Variants in CACNB4 observed in about 807,000 individuals in gnomAD.
CACNB4 encodes the protein calcium voltage-gated channel auxiliary subunit beta 4.
Under a neutral mutation model 71.2 loss-of-function variants are expected in CACNB4, and 32 were observed. That is an observed-to-expected ratio of 0.45 (90% CI 0.34 to 0.60). CACNB4 has a LOEUF of 0.60. Ranked by LOEUF, CACNB4 falls within the 20% of genes least tolerant of loss-of-function variation. CACNB4 has a pLI of 0.01. For missense variants in CACNB4, 464 were observed against 647.9 expected (o/e 0.72, Z 3.08); for synonymous variants, 231 against 236.9 (o/e 0.97, Z 0.23).
In CACNB4 at chr2:152,098,258, G is replaced by T. The variant is rs1688389525; in HGVS notation, c.147+72C>A. The T allele has an allele frequency of 9.6e-6, 12 of 1,248,480 alleles. No individual in the cohort carries two copies. The highest frequency in any genetic ancestry group is 1.7e-5 in the Admixed American group (1 of 58,700). The allele number at this position is 1,248,480 out of a possible 1,614,324, so 77.3% of individuals were successfully genotyped here. On this transcript the variant is annotated intron_variant, in intron 2 of 13. Coordinates refer to ENST00000539935, the MANE Select transcript of CACNB4 (RefSeq NM_000726.5). The surrounding 1 kb of genome is among the most constrained non-coding windows in gnomAD (Gnocchi z 5.3). ...CGCAGCTCCCGCACGTGTGGGCCAC[G>T]GCCGGCTCCAGGACCCCCGCGCCGC...
At position 152,046,202 on chromosome 2, in the gene CACNB4, G is replaced by A. The variant is rs137864679; in HGVS notation, c.147+52128C>T. On this transcript the variant is annotated intron_variant, in intron 2 of 13. Coordinates refer to ENST00000539935, the MANE Select transcript of CACNB4 (RefSeq NM_000726.5). ...AGTATATTTTTATATCATATGGATT[G>A]TCCATTCAGGGGAGGCTAGAATGGC... Among the ~76,000 whole-genome samples, 499 of 152,192 alleles carry A rather than the reference G, an allele frequency of 3.3e-3. 1 individual carries two copies. The highest frequency in any genetic ancestry group is 0.017 in the Middle Eastern group (5 of 294).
chr2:152,052,370 G>A (rs1685485213), intron 2 of CACNB4, among the ~76,000 whole-genome samples: 2 of 151,952 alleles, frequency 1.3e-5, no homozygotes, highest in Non-Finnish European at 2.9e-5. Context: ...GCGTGATCTC[G>A]GCTCACTGTA....
At chr2:152,006,120 T>C (rs1477818174) in intron 2 of CACNB4, among the ~76,000 whole-genome samples, 1 of 152,236 alleles carries the variant, frequency 6.6e-6, no homozygotes, top group Non-Finnish European at 1.5e-5. Context: ...GTCTTGCATA[T>C]GCCCTCGACA....
Position 151,870,607 on chromosome 2 carries a change from T to C in CACNB4, c.623A>G (p.Glu208Gly). ...STAKQKQKVT[E>G]HIPPYDVVPS... ...TACAACATCGTAAGGAGGAATGTGC[T>C]CCGTCTGAAAAAGATGATTCGACAC... Residue 208 changes from glutamate to glycine, a missense_variant, in exon 8 of 14, where the codon GAG becomes GGG. Transcript: ENST00000539935. 1 of 1,613,246 alleles carries C rather than the reference T, an allele frequency of 6.2e-7. No individual in the cohort carries two copies. The highest frequency in any genetic ancestry group is 8.5e-7 in the Non-Finnish European group (1 of 1,179,458).
intron 2 of CACNB4, among the ~76,000 whole-genome samples, chr2:151,950,877 C>T (rs2099866761): frequency 1.3e-5 from 2 of 152,178 alleles, no homozygotes; most frequent in Non-Finnish European, 2.9e-5. Context: ...TGCTTCCGAA[C>T]TAGATAGAGG....
chr2:152,022,975 C>T (rs1419708425), intron 2 of CACNB4, among the ~76,000 whole-genome samples: 2 of 152,074 alleles, frequency 1.3e-5, no homozygotes, highest in Non-Finnish European at 2.9e-5. Context: ...ATACCCAAGA[C>T]TGGGTAATTT....
intron 2 of CACNB4, among the ~76,000 whole-genome samples, chr2:151,906,820 A>G (rs2099854934): frequency 6.6e-6 from 1 of 152,174 alleles, no homozygotes; most frequent in Non-Finnish European, 1.5e-5. Context: ...CACATCATGT[A>G]GATTGCTACC....
chr2:151,998,515 G>A (rs1440994230), intron 2 of CACNB4, among the ~76,000 whole-genome samples: 2 of 152,020 alleles, frequency 1.3e-5, no homozygotes, highest in Non-Finnish European at 2.9e-5. Context: ...CTGTCTTATT[G>A]GTAAAATGAA....
intron 2 of CACNB4, among the ~76,000 whole-genome samples, chr2:152,052,176 T>C (rs1685469000): frequency 2.0e-5 from 3 of 152,390 alleles, no homozygotes; most frequent in Middle Eastern, 3.4e-3. Context: ...GTGCTCAGAA[T>C]ACATATGTTA....
In CACNB4 at chr2:151,833,276, A is replaced by G. The variant is rs1286086236; in HGVS notation, c.*5843T>C. 2 of 152,104 alleles carry G rather than the reference A, an allele frequency of 1.3e-5. No individual in the cohort carries two copies. The highest frequency in any genetic ancestry group is 1.3e-4 in the Admixed American group (2 of 15,268). The allele number at this position is 152,104 out of a possible 1,614,324, so 9.4% of individuals were successfully genotyped here. The stretch of plus-strand genomic sequence containing the variant: ...CATTTATTTTTTATTCCTTCCCACC[A>G]TCCCTACAAAAACACAGCTAATGGC... On this transcript the variant is annotated 3_prime_UTR_variant, in exon 14 of 14. Coordinates refer to ENST00000539935, the MANE Select transcript of CACNB4 (RefSeq NM_000726.5).
chr2:151,949,469 G>A (rs1269984685), intron 2 of CACNB4, among the ~76,000 whole-genome samples: 4 of 100,960 alleles, frequency 4.0e-5, no homozygotes, highest in African/African-American at 1.5e-4. Context: ...AGGCCTTGAA[G>A]GAGATGGAAC....
chr2:151,861,882 G>A (rs2099841824), intron 9 of CACNB4, among the ~76,000 whole-genome samples: 1 of 142,924 alleles, frequency 7.0e-6, no homozygotes, highest in Admixed American at 6.8e-5. Flanking sequence ...CAAAGACATT[G>A]CAAATAAATG....
At chr2:152,070,727 T>C (rs191868375) in intron 2 of CACNB4, among the ~76,000 whole-genome samples, 22 of 152,318 alleles carry the variant, frequency 1.4e-4, no homozygotes, top group African/African-American at 4.1e-4. Context: ...AGCAAACCAA[T>C]TGGCACATCC....
chr2:152,000,947 A>G (rs560397339), intron 2 of CACNB4, among the ~76,000 whole-genome samples: 1 of 151,834 alleles, frequency 6.6e-6, no homozygotes, highest in South Asian at 2.1e-4. Flanking sequence ...CCAGCCTCCC[A>G]CCTCCAGCAG....
chr2:151,977,656 A>G (rs755261222), intron 2 of CACNB4, among the ~76,000 whole-genome samples: 1 of 152,228 alleles, frequency 6.6e-6, no homozygotes. Flanking sequence ...TTAAATAGCC[A>G]TGATCAAGAC....
At chr2:151,961,780 A>G (rs1315868568) in intron 2 of CACNB4, among the ~76,000 whole-genome samples, 1 of 152,070 alleles carries the variant, frequency 6.6e-6, no homozygotes, top group Non-Finnish European at 1.5e-5. Flanking sequence ...AGTCCCAGCT[A>G]CTCAAGAGAA....
intron 2 of CACNB4, among the ~76,000 whole-genome samples, chr2:152,039,420 A>G (rs1684763679): frequency 6.6e-6 from 1 of 151,654 alleles, no homozygotes; most frequent in Non-Finnish European, 1.5e-5. Context: ...TGTCTCAAAA[A>G]AAAAAAAAAG....
chr2:151,872,774 G>C (rs376061640), intron 5 of CACNB4: 1 of 256,982 alleles, frequency 3.9e-6, no homozygotes, highest in Middle Eastern at 1.2e-3. Context: ...ATGGTCTTAT[G>C]AACTGCTTGT....
intron 2 of CACNB4, among the ~76,000 whole-genome samples, chr2:151,884,362 G>A (rs901533786): frequency 6.7e-6 from 1 of 149,724 alleles, no homozygotes. Flanking sequence ...AGTGGCTCAC[G>A]CCTGTAATCT....
Sources: gnomAD v4.1 joint callset for allele counts (sites outside exome capture counted in the v4.1 genomes callset) on GRCh38, gnomAD v4.1.1 for gene constraint, Gnocchi (gnomAD v3.1) non-coding constraint, MANE v1.5 for transcripts, NCBI Gene and HGNC (gene_info 2026-07-23, HGNC 2026-07-21) for gene names.